Variants in CLUL1 observed in about 807,000 individuals in gnomAD.
CLUL1 encodes the protein clusterin like 1, also known as clusterin-like protein 1.
In CLUL1, 43 loss-of-function variants were observed where a neutral mutation model predicts 49.4. That is an observed-to-expected ratio of 0.87 (90% CI 0.68 to 1.12). CLUL1 has a LOEUF of 1.12. Among genes scored for constraint, CLUL1 ranks in the 50% most tolerant of loss-of-function variants. CLUL1 has a pLI of 0.00. For synonymous variants in CLUL1, 192 were observed against 184.9 expected, an observed-to-expected ratio of 1.04 and a Z score of -0.31; for missense variants, 486 against 544.4, an observed-to-expected ratio of 0.89 and a Z score of 1.07.
In CLUL1 at chr18:633,027, C is replaced by G. The variant is rs533292951; in HGVS notation, c.857-271C>G. ...CAAAGATTAGCTGGGCTTGGTGGCT[C>G]TCACCTGTAATCCCAGCTACTTGGG... On this transcript the variant is annotated intron_variant, in intron 6 of 9. Coordinates refer to ENST00000692774, the MANE Select transcript of CLUL1 (RefSeq NM_001393344.1). 1.7e-3 allele frequency among the ~76,000 whole-genome samples: 260 copies of G among 152,206 alleles called. 1 individual carries two copies. The highest frequency in any genetic ancestry group is 3.1e-3 in the Non-Finnish European group (213 of 67,996).
chr18:606,431 C>T lies in CLUL1; in HGVS notation c.-135-547C>T, dbSNP rs149477850. Among the ~76,000 whole-genome samples the T allele has an allele frequency of 1.1e-4, 17 of 152,356 alleles. No individual in the cohort carries two copies. Among genetic ancestry groups the T allele is most frequent in the East Asian group, 1.9e-4 (1 of 5,188 alleles). On this transcript the variant is annotated intron_variant, in intron 1 of 9. Transcript: ENST00000692774. This position sits in a 1 kb window ranked among gnomAD's most constrained non-coding sequence, Gnocchi z 4.1. ...CTTAGGACCAGCCCATCGTCCACAA[C>T]GTGGAAGTCCAGCTTCCGTTCAAAT...
At chr18:633,869 T>TGTAATCGGAATGAGTCAGGGC (rs1567972413) in intron 7 of CLUL1, among the ~76,000 whole-genome samples, 3 of 107,484 alleles carry the variant, frequency 2.8e-5, no homozygotes, top group African/African-American at 1.4e-4. Context: ...TGAATCAGGG[T>TGTAATCGGAATGAGTCAGGGC]GGAGCGTGTA....
At position 606,512 on chromosome 18, in the gene CLUL1, G is replaced by T. The variant is rs2072977100; in HGVS notation, c.-135-466G>T. 6.6e-6 allele frequency among the ~76,000 whole-genome samples: 1 copy of T among 152,076 alleles called. No individual in the cohort carries two copies. The highest frequency in any genetic ancestry group is 6.6e-5 in the Admixed American group (1 of 15,262). On this transcript the variant is annotated intron_variant, in intron 1 of 9. Coordinates refer to ENST00000692774, the MANE Select transcript of CLUL1 (RefSeq NM_001393344.1). This position sits in a 1 kb window ranked among gnomAD's most constrained non-coding sequence, Gnocchi z 4.1. ...AAAGTCCCGGAACCCACAGCTCTGA[G>T]ACTCTGGCTGTCCCCCAACCCACCC... is the stretch of plus-strand genomic sequence containing the variant.
intron 1 of CLUL1, among the ~76,000 whole-genome samples, chr18:600,417 T>C (rs1020377151): frequency 1.1e-4 from 16 of 152,184 alleles, no homozygotes; most frequent in African/African-American, 3.4e-4. Flanking sequence ...CTTCTATTGT[T>C]CTCAACCATT....
intron 8 of CLUL1, among the ~76,000 whole-genome samples, chr18:644,214 A>C (rs926674050): frequency 2.0e-5 from 3 of 152,166 alleles, no homozygotes; most frequent in African/African-American, 4.8e-5. Flanking sequence ...AGAAGGGAAA[A>C]ATTTTTAAAT....
intron 5 of CLUL1, among the ~76,000 whole-genome samples, chr18:626,869 A>G (rs1013475420): frequency 0.026 from 5 of 194 alleles, no homozygotes; most frequent in Non-Finnish European, 0.18. Context: ...TCAAATAAGA[A>G]AGAAAGAAAG....
intron 4 of CLUL1, among the ~76,000 whole-genome samples, chr18:621,986 A>G (rs1214999628): frequency 1.3e-5 from 2 of 152,250 alleles, no homozygotes; most frequent in South Asian, 4.1e-4. Flanking sequence ...ACAAAAATTC[A>G]TTGAATTATA....
chr18:604,127 C>T (rs529194597), intron 1 of CLUL1, among the ~76,000 whole-genome samples: 5 of 152,334 alleles, frequency 3.3e-5, no homozygotes, highest in East Asian at 1.9e-4. Flanking sequence ...GTGATCCAAC[C>T]GCCTTGGCCT....
chr18:629,307 T>C (rs548396851), intron 6 of CLUL1, among the ~76,000 whole-genome samples: 13 of 152,316 alleles, frequency 8.5e-5, no homozygotes, highest in African/African-American at 3.1e-4. Flanking sequence ...TGGGTGGTAT[T>C]AAGTGATTTT....
intron 2 of CLUL1, among the ~76,000 whole-genome samples, chr18:611,234 C>CT (rs57499796): frequency 0.14 from 17,921 of 129,234 alleles, 1,295 homozygotes; most frequent in Admixed American, 0.17. Flanking sequence ...CACCCCCCAC[C>CT]TTTTTTTTTT....
chr18:602,013 G>A (rs1307428897), intron 1 of CLUL1, among the ~76,000 whole-genome samples: 1 of 152,016 alleles, frequency 6.6e-6, no homozygotes, highest in Admixed American at 6.6e-5. Flanking sequence ...TTGAGGCCAG[G>A]AGCTCAAGAC....
intron 8 of CLUL1, among the ~76,000 whole-genome samples, chr18:642,551 C>T (rs554391053): frequency 1.3e-5 from 2 of 152,220 alleles, no homozygotes; most frequent in South Asian, 2.1e-4. Flanking sequence ...AGACATCCCC[C>T]CTCCAACACA....
intron 8 of CLUL1, 113 bp from the exon 9 acceptor site, chr18:644,797 C>T: frequency 1.5e-6 from 1 of 683,266 alleles, no homozygotes; most frequent in Non-Finnish European, 2.4e-6. Context: ...AATGCCAGGA[C>T]TAATCTGTTA....
rs2074425529 is a variant in CLUL1, at chr18:644,784, A to G, written c.1210-126A>G. 1.8e-5 allele frequency: 11 copies of G among 596,156 alleles called. No individual in the cohort carries two copies. In the South Asian group the frequency reaches 3.0e-4, roughly 16 times the overall value. The allele number at this position is 596,156 out of a possible 1,614,324, so 36.9% of individuals were successfully genotyped here. A position where few individuals can be genotyped will look rare whatever the true frequency, so the allele number is the denominator to read the frequency against. On this transcript the variant is annotated intron_variant, in intron 8 of 9. Coordinates refer to ENST00000692774, the MANE Select transcript of CLUL1 (RefSeq NM_001393344.1). ...ATAAATCTTTGTTGCATGAAGCCCT[A>G]GGAATGCCAGGACTAATCTGTTACC...
At chr18:607,225 T>G in intron 2 of CLUL1, 126 bp downstream of exon 2, 1 of 623,706 alleles carries the variant, frequency 1.6e-6, no homozygotes, top group South Asian at 1.9e-5. Flanking sequence ...CCTCCCAGAT[T>G]TAAGGGTTTC....
At chr18:645,252 A>T in intron 9 of CLUL1, 155 bp downstream of exon 9, 1 of 523,744 alleles carries the variant, frequency 1.9e-6, no homozygotes. Flanking sequence ...TGCCTATCAG[A>T]TTTGCAAATT....
At chr18:610,893 T>TA (rs971316319) in intron 2 of CLUL1, among the ~76,000 whole-genome samples, 1 of 151,824 alleles carries the variant, frequency 6.6e-6, no homozygotes, top group South Asian at 2.1e-4. Context: ...AATTAAACAT[T>TA]AAAAAAAGAG....
rs529629931 is a variant in CLUL1, at chr18:627,325, A to G, written c.652A>G (p.Ile218Val). The change falls in exon 6 of 10, where the codon ATA (isoleucine) becomes GTA (valine). Residue 218 changes from isoleucine to valine, a missense_variant. Physicochemically the swap from Ile to Val is conservative, Grantham distance 29. Coordinates refer to ENST00000692774, the MANE Select transcript of CLUL1 (RefSeq NM_001393344.1). The stretch of plus-strand genomic sequence containing the variant: ...TGACCAGACTTTTCAATCACATTTC[A>G]TATCAGATACAGACCTAACTGAGCC... The part of the protein sequence containing the change: ...EFDQTFQSHF[I>V]SDTDLTEPYF... The G allele has an allele frequency of 3.7e-6, 6 of 1,614,078 alleles. No homozygotes were observed. In the East Asian group the frequency reaches 6.7e-5, roughly 18 times the overall value.
At position 626,930 on chromosome 18, in the gene CLUL1, GGAAA is replaced by G. The variant is rs1567966695; in HGVS notation, c.424-163_424-160del. Among the ~76,000 whole-genome samples, 11 of 10,008 alleles carry G rather than the reference GGAAA, an allele frequency of 1.1e-3. 3 individuals are homozygous for G. The highest frequency in any genetic ancestry group is 5.2e-3 in the Admixed American group (3 of 582). 6.6% of individuals were successfully genotyped at this position (10,008 alleles called of 152,430 possible). A position where few individuals can be genotyped will look rare whatever the true frequency, so the allele number is the denominator to read the frequency against. ...AAGAAAGAAAGAAAGAAAGAAAGAA[GGAAA>G]GAAGGAAAGAAGGAAGGAAGGAAGG... On this transcript the variant is annotated intron_variant, in intron 5 of 9. Transcript: ENST00000692774.
Sources: allele counts gnomAD v4.1 joint callset (sites outside exome capture counted in the v4.1 genomes callset), GRCh38; gene constraint gnomAD v4.1.1; non-coding constraint Gnocchi (gnomAD v3.1); transcripts MANE v1.5; gene names NCBI Gene and HGNC (gene_info 2026-07-23, HGNC 2026-07-21).